The following RAB27B variants were observed in gnomAD, a reference collection of about 807,000 sequenced individuals.
RAB27B encodes RAB27B, member RAS oncogene family.
In RAB27B, 15 loss-of-function variants were observed where a neutral mutation model predicts 24.6. That is an observed-to-expected ratio of 0.61 (90% CI 0.41 to 0.94). The LOEUF is 0.94. Ranked by LOEUF, RAB27B falls within the 40% of genes least tolerant of loss-of-function variation. The pLI is 0.00. For missense variants in RAB27B, 261 were observed against 266.8 expected (o/e 0.98, Z 0.15); for synonymous variants, 105 against 92.5 (o/e 1.14, Z -0.78).
chr18:54,762,945 A>G (rs1210988060), intron 2 of RAB27B, among the ~76,000 whole-genome samples: 2 of 152,204 alleles, frequency 1.3e-5, no homozygotes, highest in Non-Finnish European at 2.9e-5. Context: ...GTACCCAGGC[A>G]TAAAGGAATA....
rs1913526876 is a variant in RAB27B at position 54,895,343 on chromosome 18, G to A, written c.*5930G>A. ...TCTATATGCCCCTTAATAGACTGTGGTTCCTGACGCACACTGTTAGGTCAT... is the reference window on the plus strand; with the variant it reads ...TCTATATGCCCCTTAATAGACTGTGATTCCTGACGCACACTGTTAGGTCAT... On this transcript the variant is annotated 3_prime_UTR_variant, in exon 6 of 6. Coordinates refer to ENST00000262094, the MANE Select transcript of RAB27B (RefSeq NM_004163.4). 1 of 151,982 alleles carries A rather than the reference G, an allele frequency of 6.6e-6. No homozygotes were observed. The highest frequency in any genetic ancestry group is 1.5e-5 in the Non-Finnish European group (1 of 67,962). The allele number at this position is 151,982 out of a possible 1,614,324, so 9.4% of individuals were successfully genotyped here.
intron 2 of RAB27B, among the ~76,000 whole-genome samples, chr18:54,749,153 G>C (rs1306377732): frequency 6.6e-6 from 1 of 152,082 alleles, no homozygotes; most frequent in Non-Finnish European, 1.5e-5. Context: ...AGGTTTCTAG[G>C]GAAGGGGCCT....
upstream of RAB27B, among the ~76,000 whole-genome samples, chr18:54,826,406 A>T (rs1910477683): frequency 6.6e-6 from 1 of 151,998 alleles, no homozygotes; most frequent in African/African-American, 2.4e-5. Flanking sequence ...CATTTCTCTT[A>T]TGTCTTCCTA....
intron 5 of RAB27B, among the ~76,000 whole-genome samples, chr18:54,888,390 A>G (rs768474420): frequency 2.6e-5 from 4 of 152,182 alleles, no homozygotes; most frequent in Non-Finnish European, 4.4e-5. Context: ...CATTTTATAT[A>G]TAAGAATTGA....
chr18:54,744,248 C>A (rs1032470107), intron 2 of RAB27B, among the ~76,000 whole-genome samples: 3 of 152,228 alleles, frequency 2.0e-5, no homozygotes, highest in Admixed American at 2.0e-4. Flanking sequence ...CCTTTCCTGT[C>A]TCATTTTAGG....
intron 2 of RAB27B, among the ~76,000 whole-genome samples, chr18:54,735,763 C>T (rs1375934292): frequency 2.0e-5 from 3 of 152,132 alleles, no homozygotes; most frequent in Non-Finnish European, 4.4e-5. Context: ...CTCAGGTGAT[C>T]CACCCACCTT....
chr18:54,855,931 T>G (rs1911767162), intron 1 of RAB27B, among the ~76,000 whole-genome samples: 1 of 152,216 alleles, frequency 6.6e-6, no homozygotes, highest in Admixed American at 6.5e-5. Flanking sequence ...CTGAATTAGA[T>G]CCAACAGGGC....
At chr18:54,773,812 T>A (rs569940686) in intron 2 of RAB27B, among the ~76,000 whole-genome samples, 1 of 152,016 alleles carries the variant, frequency 6.6e-6, no homozygotes, top group African/African-American at 2.4e-5. Flanking sequence ...GTAGCTGGGA[T>A]TACAGGCACC....
intron 2 of RAB27B, among the ~76,000 whole-genome samples, chr18:54,742,458 GGTCA>G (rs770107758): frequency 5.0e-4 from 76 of 152,148 alleles, no homozygotes; most frequent in Non-Finnish European, 1.3e-4. Context: ...AGGAAGTTGG[GGTCA>G]GTCATACAAA....
chr18:54,727,878 T>C, intron 2 of RAB27B, among the ~76,000 whole-genome samples: 1 of 152,196 alleles, frequency 6.6e-6, no homozygotes, highest in East Asian at 1.9e-4. Flanking sequence ...AGTGTTTTAT[T>C]GCTTCATATG....
chr18:54,733,732 G>A (rs1909803391), intron 2 of RAB27B, among the ~76,000 whole-genome samples: 1 of 141,696 alleles, frequency 7.1e-6, no homozygotes, highest in Non-Finnish European at 1.5e-5. Flanking sequence ...GACTCTAGAA[G>A]CAGGTCCTGC....
At chr18:54,777,305 G>A (rs944986895) in intron 2 of RAB27B, among the ~76,000 whole-genome samples, 24 of 152,206 alleles carry the variant, frequency 1.6e-4, no homozygotes, top group African/African-American at 5.8e-4. Context: ...TACTTGGGCA[G>A]GACAGAGAAC....
intron 3 of RAB27B, chr18:54,879,775 A>T (rs1912848548): frequency 4.3e-6 from 1 of 232,058 alleles, no homozygotes. Flanking sequence ...TAACGCCGTT[A>T]TAAGTGCTAC....
chr18:54,718,554 A>G (rs1909261502), intron 2 of RAB27B, among the ~76,000 whole-genome samples: 1 of 152,206 alleles, frequency 6.6e-6, no homozygotes, highest in Non-Finnish European at 1.5e-5. Flanking sequence ...AGACTGCCAG[A>G]AAGCTATTAA....
intron 2 of RAB27B, among the ~76,000 whole-genome samples, chr18:54,775,129 G>A (rs1908676879): frequency 6.6e-6 from 1 of 152,128 alleles, no homozygotes; most frequent in Non-Finnish European, 1.5e-5. Context: ...TCTCATCCAG[G>A]CACAACTTGG....
intron 2 of RAB27B, among the ~76,000 whole-genome samples, chr18:54,778,831 A>G (rs1330276074): frequency 6.7e-6 from 1 of 149,430 alleles, no homozygotes; most frequent in African/African-American, 2.5e-5. Context: ...TTTACTTTCT[A>G]TACAGTTAAG....
At chr18:54,813,802 C>T (rs1022873888) in intron 2 of RAB27B, among the ~76,000 whole-genome samples, 9 of 151,748 alleles carry the variant, frequency 5.9e-5, no homozygotes, top group African/African-American at 2.2e-4. Flanking sequence ...AGGAGATGAG[C>T]GATATCTATA....
intron 2 of RAB27B, among the ~76,000 whole-genome samples, chr18:54,804,873 CTT>C (rs1909722887): frequency 7.2e-6 from 1 of 137,972 alleles, no homozygotes; most frequent in Non-Finnish European, 1.5e-5. Flanking sequence ...TTCTTTTTTT[CTT>C]TTTTCTTTCT....
chr18:54,727,262 C>T (rs1242864969), intron 2 of RAB27B, among the ~76,000 whole-genome samples: 1 of 152,186 alleles, frequency 6.6e-6, no homozygotes, highest in Non-Finnish European at 1.5e-5. Context: ...GTGTGAACCA[C>T]TGTGCCCAGC....
Sources: allele counts gnomAD v4.1 joint callset (sites outside exome capture counted in the v4.1 genomes callset), GRCh38; gene constraint gnomAD v4.1.1; transcripts MANE v1.5; gene names NCBI Gene and HGNC (gene_info 2026-07-23, HGNC 2026-07-21).